FAM135A: variants seen among roughly 807,000 people sequenced by gnomAD.
FAM135A encodes the protein family with sequence similarity 135 member A.
A neutral mutation model predicts 146.8 loss-of-function variants in FAM135A; 79 were observed. That is an observed-to-expected ratio of 0.54 (90% CI 0.45 to 0.65). The LOEUF (loss-of-function observed/expected upper bound fraction) is 0.65, where lower values mean the gene tolerates loss of function less well. Among genes scored for constraint, FAM135A ranks in the 30% least tolerant of loss-of-function variants. The pLI is 0.00. For synonymous variants in FAM135A, 562 were observed against 603.6 expected, an observed-to-expected ratio of 0.93 and a Z score of 1.01; for missense variants, 1,623 against 1,758.2, an observed-to-expected ratio of 0.92 and a Z score of 1.38.
chr6:70,466,433 T>C (rs1302351367), intron 5 of FAM135A, among the ~76,000 whole-genome samples: 2 of 152,194 alleles, frequency 1.3e-5, no homozygotes, highest in African/African-American at 2.4e-5. Flanking sequence ...CAAACCCAGC[T>C]GTGTAAGATA....
At chr6:70,436,377 C>T (rs996689516) in intron 4 of FAM135A, among the ~76,000 whole-genome samples, 12 of 152,066 alleles carry the variant, frequency 7.9e-5, no homozygotes, top group African/African-American at 2.9e-4. Context: ...AGAATCAGCC[C>T]TTCTCTGTAC....
chr6:70,465,313 T>G (rs1780232781), intron 5 of FAM135A, among the ~76,000 whole-genome samples: 1 of 152,222 alleles, frequency 6.6e-6, no homozygotes, highest in African/African-American at 2.4e-5. Context: ...CTATTATAAA[T>G]AATGCTTCAA....
chr6:70,500,728 A>T (rs1047581092), intron 11 of FAM135A, among the ~76,000 whole-genome samples: 1 of 152,198 alleles, frequency 6.6e-6, no homozygotes, highest in Non-Finnish European at 1.5e-5. Flanking sequence ...TTCTTCTAAC[A>T]GTAAGGCCCC....
chr6:70,447,697 G>A (rs533944347), intron 4 of FAM135A, among the ~76,000 whole-genome samples: 91 of 152,326 alleles, frequency 6.0e-4, no homozygotes, highest in Non-Finnish European at 1.2e-3. Flanking sequence ...GGTTCCCATC[G>A]TGACACTGAT....
intron 11 of FAM135A, among the ~76,000 whole-genome samples, chr6:70,493,611 A>G (rs565298418): frequency 6.6e-6 from 1 of 152,296 alleles, no homozygotes; most frequent in African/African-American, 2.4e-5. Flanking sequence ...CCACAGCCAG[A>G]AAAAATATCT....
chr6:70,557,063 C>G (rs1800984879), intron 21 of FAM135A, 200 bp downstream of exon 21: 3 of 572,618 alleles, frequency 5.2e-6, no homozygotes, highest in Non-Finnish European at 9.3e-6. Flanking sequence ...GTAATACTTT[C>G]ATCTAATTAC....
chr6:70,472,681 T>C (rs1781848869), intron 5 of FAM135A, among the ~76,000 whole-genome samples: 1 of 152,212 alleles, frequency 6.6e-6, no homozygotes, highest in Admixed American at 6.5e-5. Context: ...GTCTCTTTAG[T>C]CTCCTTCATC....
chr6:70,420,392 T>C (rs1381975701), intron 2 of FAM135A, among the ~76,000 whole-genome samples: 3 of 152,222 alleles, frequency 2.0e-5, no homozygotes, highest in Non-Finnish European at 2.9e-5. Context: ...ATTCTGACTA[T>C]GTGCAAGGTG....
chr6:70,470,071 G>A (rs1269895026), intron 5 of FAM135A, among the ~76,000 whole-genome samples: 1 of 152,114 alleles, frequency 6.6e-6, no homozygotes, highest in Non-Finnish European at 1.5e-5. Flanking sequence ...TAGTATCTAT[G>A]TTAGATACTG....
intron 20 of FAM135A, among the ~76,000 whole-genome samples, chr6:70,553,158 C>T (rs1371853305): frequency 3.3e-5 from 5 of 152,156 alleles, no homozygotes; most frequent in Non-Finnish European, 7.3e-5. Context: ...TGTTGCTCCC[C>T]CCAGCAGAGG....
chr6:70,526,889 T>A (rs532380694), intron 15 of FAM135A, among the ~76,000 whole-genome samples, 191 bp downstream of exon 15: 1 of 152,070 alleles, frequency 6.6e-6, no homozygotes, highest in Admixed American at 6.5e-5. Context: ...GCTTCTTTGA[T>A]GACTATCCGA....
In FAM135A at chr6:70,417,784, A is replaced by C. The variant is rs147157110; in HGVS notation, c.-134+2408A>C. On this transcript the variant is annotated intron_variant, in intron 2 of 21. Coordinates refer to ENST00000418814, the MANE Select transcript of FAM135A (RefSeq NM_001162529.3). ...CAAGGTCAGCCCTTATTGGCAATAA[A>C]AAATGTAAGACTGTGGAAGCCTGTA... is the stretch of plus-strand genomic sequence containing the variant. 3.5e-3 allele frequency: 695 copies of C among 197,232 alleles called. 4 individuals are homozygous for C. The highest frequency in any genetic ancestry group is 5.0e-3 in the Non-Finnish European group (541 of 109,136). 12.2% of individuals were successfully genotyped at this position (197,232 alleles called of 1,614,324 possible).
At chr6:70,474,149 C>T (rs1782150227) in intron 5 of FAM135A, among the ~76,000 whole-genome samples, 1 of 152,202 alleles carries the variant, frequency 6.6e-6, no homozygotes, top group African/African-American at 2.4e-5. Flanking sequence ...CCCTGGCCTG[C>T]AGAGGCTCCC....
At chr6:70,426,109 C>CAAA (rs543932611) in intron 2 of FAM135A, among the ~76,000 whole-genome samples, 7 of 95,866 alleles carry the variant, frequency 7.3e-5, no homozygotes, top group East Asian at 2.9e-4. Context: ...GACTCCGTCT[C>CAAA]AAAAAAAAAA....
At chr6:70,446,230 G>T (rs1259722368) in intron 4 of FAM135A, among the ~76,000 whole-genome samples, 3 of 152,152 alleles carry the variant, frequency 2.0e-5, no homozygotes, top group African/African-American at 7.2e-5. Context: ...CTTATTAAGA[G>T]CCATTAATAG....
At chr6:70,499,848 A>G (rs202073133) in intron 11 of FAM135A, among the ~76,000 whole-genome samples, 2 of 152,124 alleles carry the variant, frequency 1.3e-5, no homozygotes, top group Admixed American at 6.6e-5. Context: ...GAGCTGTGCT[A>G]TTATTCTGCT....
In FAM135A at chr6:70,526,011, C is replaced by T. The variant is rs1794617922; in HGVS notation, c.2927C>T (p.Thr976Ile). The T allele has an allele frequency of 1.2e-6, 2 of 1,612,162 alleles. No individual in the cohort carries two copies. The highest frequency in any genetic ancestry group is 2.2e-5 in the South Asian group (2 of 90,820). ...TLNSKLICLG[T>I]PCVISGSISS... Reference sequence around the variant, plus strand: ...AATTCAAAACTGATTTGTTTAGGCACTCCTTGTGTCATTTCAGGTTCCATT... The same window carrying T: ...AATTCAAAACTGATTTGTTTAGGCATTCCTTGTGTCATTTCAGGTTCCATT... The change falls in exon 15 of 22, where the codon ACT (threonine) becomes ATT (isoleucine). Residue 976 changes from threonine to isoleucine, a missense_variant. This residue lies in a region of FAM135A where 1,061 missense variants were observed against 1,113.8 expected (regional missense o/e 0.95). Transcript: ENST00000418814.
At chr6:70,463,184 C>A (rs1779742072) in intron 5 of FAM135A, among the ~76,000 whole-genome samples, 1 of 152,126 alleles carries the variant, frequency 6.6e-6, no homozygotes, top group South Asian at 2.1e-4. Context: ...CTCCTTATTA[C>A]CTCCTTTTTA....
chr6:70,452,394 C>A (rs1478881849), intron 4 of FAM135A, 98 bp from the exon 5 acceptor site: 4 of 864,048 alleles, frequency 4.6e-6, no homozygotes, highest in South Asian at 1.7e-5. Flanking sequence ...ATAATTAGGC[C>A]AACTTTATTA....
Sources: gnomAD v4.1 joint callset for allele counts (sites outside exome capture counted in the v4.1 genomes callset) on GRCh38, gnomAD v4.1.1 for gene constraint, gnomAD v4.1.1 regional missense constraint, MANE v1.5 for transcripts, NCBI Gene and HGNC (gene_info 2026-07-23, HGNC 2026-07-21) for gene names.